Variants in GULP1 observed in about 807,000 individuals in gnomAD.
GULP1 encodes the protein GULP PTB domain containing engulfment adaptor 1.
Under a neutral mutation model 40.9 loss-of-function variants are expected in GULP1, and 19 were observed. That is an observed-to-expected ratio of 0.46 (90% confidence interval 0.32 to 0.68). The LOEUF is 0.68. GULP1 is among the 30% of genes least tolerant of loss of function. The pLI is 0.03. For missense variants in GULP1, 312 were observed against 362.2 expected, an observed-to-expected ratio of 0.86 and a Z score of 1.12; for synonymous variants, 119 against 117.6, an observed-to-expected ratio of 1.01 and a Z score of -0.08.
chr2:188,553,299 G>A (rs1261111360), intron 7 of GULP1, among the ~76,000 whole-genome samples: 3 of 151,880 alleles, frequency 2.0e-5, no homozygotes, highest in African/African-American at 7.2e-5. Flanking sequence ...TTCCTTCAGT[G>A]TGACATTAAG....
intron 4 of GULP1, among the ~76,000 whole-genome samples, chr2:188,502,732 T>G (rs1015929018): frequency 6.6e-6 from 1 of 151,996 alleles, no homozygotes; most frequent in African/African-American, 2.4e-5. Context: ...TTCAATTACT[T>G]AAGAAGTTTT....
At chr2:188,452,913 T>C (rs572054351) in intron 2 of GULP1, among the ~76,000 whole-genome samples, 1 of 152,264 alleles carries the variant, frequency 6.6e-6, no homozygotes, top group South Asian at 2.1e-4. Context: ...AGCAGAAATA[T>C]CAAATACACT....
chr2:188,336,843 G>A (rs575139788), intron 1 of GULP1, among the ~76,000 whole-genome samples: 1 of 152,312 alleles, frequency 6.6e-6, no homozygotes, highest in Non-Finnish European at 1.5e-5. Context: ...AAGGTGAGAA[G>A]TTGGCAGGTC....
chr2:188,464,729 G>A (rs574846675), intron 2 of GULP1, among the ~76,000 whole-genome samples: 54 of 152,306 alleles, frequency 3.5e-4, no homozygotes, highest in Admixed American at 1.0e-3. Context: ...AGGAGATGCA[G>A]TCCTCCCATT....
chr2:188,401,675 T>C (rs2052317572), intron 2 of GULP1, among the ~76,000 whole-genome samples: 1 of 152,118 alleles, frequency 6.6e-6, no homozygotes, highest in African/African-American at 2.4e-5. Flanking sequence ...GGGGATAGTA[T>C]TGTATGTCCT....
At chr2:188,553,693 C>T (rs1046057314) in intron 7 of GULP1, among the ~76,000 whole-genome samples, 4 of 151,794 alleles carry the variant, frequency 2.6e-5, no homozygotes, top group South Asian at 2.1e-4. Context: ...TAAGAAGAAC[C>T]CTGTTCTTCA....
chr2:188,312,885 T>C (rs1032622152), intron 1 of GULP1, among the ~76,000 whole-genome samples: 16 of 152,242 alleles, frequency 1.1e-4, no homozygotes, highest in Non-Finnish European at 1.9e-4. Flanking sequence ...TTGAGCTTTT[T>C]TTCACATGCT....
chr2:188,481,966 T>C, intron 3 of GULP1, among the ~76,000 whole-genome samples: 1 of 152,042 alleles, frequency 6.6e-6, no homozygotes, highest in Admixed American at 6.6e-5. Flanking sequence ...TCACAAAAAG[T>C]ATAGCTAAGA....
At chr2:188,583,292 T>G (rs1437393304) in intron 9 of GULP1, among the ~76,000 whole-genome samples, 3 of 152,164 alleles carry the variant, frequency 2.0e-5, no homozygotes, top group Non-Finnish European at 2.9e-5. Flanking sequence ...GCCTGATTTT[T>G]TCATCACCTG....
intron 2 of GULP1, among the ~76,000 whole-genome samples, chr2:188,402,962 C>T (rs1163733672): frequency 2.0e-5 from 3 of 152,060 alleles, no homozygotes. Flanking sequence ...ACCTAAGGTC[C>T]AATGGCAAAG....
At chr2:188,478,979 A>G (rs1417894786) in intron 3 of GULP1, among the ~76,000 whole-genome samples, 1 of 152,096 alleles carries the variant, frequency 6.6e-6, no homozygotes, top group Non-Finnish European at 1.5e-5. Flanking sequence ...ATGACTGAGA[A>G]CCATTCATGT....
intron 5 of GULP1, among the ~76,000 whole-genome samples, chr2:188,526,686 A>G (rs1686240364): frequency 6.6e-6 from 1 of 152,212 alleles, no homozygotes; most frequent in Non-Finnish European, 1.5e-5. Context: ...GTTGTGTAAC[A>G]TATGTTCAAA....
intron 7 of GULP1, among the ~76,000 whole-genome samples, chr2:188,566,860 A>G (rs1576159997): frequency 6.6e-6 from 1 of 151,618 alleles, no homozygotes; most frequent in East Asian, 1.9e-4. Flanking sequence ...GAAGGGAAGC[A>G]ACCTATAATT....
In GULP1 at chr2:188,294,908, C is replaced by T. The variant is rs188656086; in HGVS notation, c.-172+2742C>T. 8.9e-3 allele frequency among the ~76,000 whole-genome samples: 1,352 copies of T among 152,238 alleles called. 12 individuals are homozygous for T. The highest frequency in any genetic ancestry group is 0.012 in the Non-Finnish European group (841 of 68,010). On this transcript the variant is annotated intron_variant, in intron 1 of 11. Coordinates refer to ENST00000409830, the MANE Select transcript of GULP1 (RefSeq NM_016315.4). ...AATAGGAATACTTCTATGTTGAATACCCATGTAATAATGACATATCTGGAT... is the reference window on the plus strand; with the variant it reads ...AATAGGAATACTTCTATGTTGAATATCCATGTAATAATGACATATCTGGAT...
At chr2:188,401,269 G>C (rs1049364906) in intron 2 of GULP1, among the ~76,000 whole-genome samples, 1 of 151,990 alleles carries the variant, frequency 6.6e-6, no homozygotes, top group Non-Finnish European at 1.5e-5. Context: ...AAAAAGCTGA[G>C]TGAAAAGAAG....
At chr2:188,541,450 C>T (rs757653836) in intron 7 of GULP1, 132 bp downstream of exon 7, 15 of 783,696 alleles carry the variant, frequency 1.9e-5, no homozygotes, top group Non-Finnish European at 3.2e-5. Flanking sequence ...TCTGTAAATA[C>T]TTAGCTGTAC....
intron 4 of GULP1, among the ~76,000 whole-genome samples, chr2:188,501,262 A>C (rs1412726186): frequency 6.6e-6 from 1 of 151,784 alleles, no homozygotes; most frequent in African/African-American, 2.4e-5. Context: ...GTGAGTTCTC[A>C]TGAGATCTGA....
intron 1 of GULP1, among the ~76,000 whole-genome samples, chr2:188,322,301 CT>C (rs893170976): frequency 5.1e-4 from 75 of 146,012 alleles, no homozygotes; most frequent in African/African-American, 9.8e-4. Context: ...TATTTTAGAG[CT>C]TTTTTTTTTA....
chr2:188,384,905 A>G lies in GULP1; in HGVS notation c.-45+1016A>G, dbSNP rs533553181. Among the ~76,000 whole-genome samples the G allele has an allele frequency of 9.4e-4, 143 of 152,322 alleles. 1 individual carries two copies. Among genetic ancestry groups the G allele is most frequent in the African/African-American group, 3.3e-3 (137 of 41,590 alleles). On this transcript the variant is annotated intron_variant, in intron 2 of 11. Transcript: ENST00000409830. ...GAGGTGAGTTCCCATGGTCTTGGGC[A>G]GCTGCGCCTCTGTGGCTTTGCAGGG...
Sources: gnomAD v4.1 joint callset for allele counts (sites outside exome capture counted in the v4.1 genomes callset) on GRCh38, gnomAD v4.1.1 for gene constraint, MANE v1.5 for transcripts, NCBI Gene and HGNC (gene_info 2026-07-23, HGNC 2026-07-21) for gene names.